Variants in TEC observed in about 807,000 individuals in gnomAD.
TEC encodes tec protein tyrosine kinase.
TEC carries 72 observed loss-of-function variants against 93.0 expected under a neutral mutation model. The ratio of observed to expected loss-of-function variants is 0.77; its 90% CI spans 0.64 to 0.94. TEC has a LOEUF of 0.94. Among genes scored for constraint, TEC ranks in the 40% least tolerant of loss-of-function variants. The pLI is 0.00. For synonymous variants in TEC, 249 were observed against 247.7 expected (o/e 1.01, Z -0.05); for missense variants, 630 against 757.9 (o/e 0.83, Z 1.98).
chr4:48,209,891 C>T (rs1722839631), intron 2 of TEC, among the ~76,000 whole-genome samples: 1 of 152,158 alleles, frequency 6.6e-6, no homozygotes. Flanking sequence ...AGCTGTTTTA[C>T]AGTGGAAATG....
At chr4:48,210,308 C>T (rs2109610076) in intron 2 of TEC, among the ~76,000 whole-genome samples, 1 of 152,142 alleles carries the variant, frequency 6.6e-6, no homozygotes, top group African/African-American at 2.4e-5. Context: ...CATAGCAAGA[C>T]TCCATCTCTA....
At chr4:48,206,956 C>A (rs1199959533) in intron 2 of TEC, among the ~76,000 whole-genome samples, 1 of 151,940 alleles carries the variant, frequency 6.6e-6, no homozygotes, top group African/African-American at 2.4e-5. Context: ...GGAACTAAGT[C>A]TCAAAAACAA....
Position 48,213,969 on chromosome 4 carries a change from A to C in TEC, c.138+14508T>G, listed in dbSNP as rs536335559. Among the ~76,000 whole-genome samples the C allele has an allele frequency of 1.2e-3, 188 of 152,296 alleles. 1 individual carries two copies. The highest frequency in any genetic ancestry group is 4.3e-3 in the African/African-American group (177 of 41,568). ...CTATGCCCAGCTGTTTCTAAATTTA[A>C]ATAATGCACCACTTCAAAAAATAAA... is the stretch of plus-strand genomic sequence containing the variant. On this transcript the variant is annotated intron_variant, in intron 2 of 17. Coordinates refer to ENST00000381501, the MANE Select transcript of TEC (RefSeq NM_003215.3).
intron 2 of TEC, among the ~76,000 whole-genome samples, chr4:48,214,715 G>GT (rs1196068943): frequency 7.5e-6 from 1 of 133,438 alleles, no homozygotes; most frequent in East Asian, 2.0e-4. Context: ...ATAGCCAGGC[G>GT]TGGTGGTATG....
chr4:48,220,122 G>T, intron 2 of TEC, among the ~76,000 whole-genome samples: 1 of 146,122 alleles, frequency 6.8e-6, no homozygotes, highest in African/African-American at 2.6e-5. Flanking sequence ...CTAGAGATGG[G>T]GAGATGGGGA....
At position 48,176,108 on chromosome 4, in the gene TEC, G is replaced by C. The variant is rs1487535249; in HGVS notation, c.217C>G (p.Pro73Ala). ...EIVKNDDGVI[P>A]CQNKYPFQVV... ...TGAAATGGATACTTATTTTGACAGGGAATGACACCATCATCATTCTTCACT... is the reference window on the plus strand; with the variant it reads ...TGAAATGGATACTTATTTTGACAGGCAATGACACCATCATCATTCTTCACT... The change falls in exon 3 of 18, where the codon CCC (proline) becomes GCC (alanine). Residue 73 changes from proline (P) to alanine (A), a missense_variant. Coordinates refer to ENST00000381501, the MANE Select transcript of TEC (RefSeq NM_003215.3). The C allele has an allele frequency of 6.2e-7, 1 of 1,613,720 alleles. No individual in the cohort carries two copies. The highest frequency in any genetic ancestry group is 2.2e-5 in the East Asian group (1 of 44,864).
At chr4:48,241,563 T>C (rs1723923673) in intron 1 of TEC, among the ~76,000 whole-genome samples, 3 of 152,154 alleles carry the variant, frequency 2.0e-5, no homozygotes, top group Admixed American at 2.0e-4. Flanking sequence ...TTCCAGCCCT[T>C]TGTGGTTCAA....
At chr4:48,195,539 G>A (rs142824113) in intron 2 of TEC, among the ~76,000 whole-genome samples, 9 of 152,294 alleles carry the variant, frequency 5.9e-5, no homozygotes, top group African/African-American at 2.2e-4. Flanking sequence ...CGTACAGGTC[G>A]TGTGTGCACA....
At chr4:48,162,778 C>T (rs3792621) in intron 8 of TEC, among the ~76,000 whole-genome samples, 56,708 of 151,946 alleles carry the variant, frequency 0.37, 11,605 homozygotes, top group East Asian at 0.9. Flanking sequence ...CTATTGTTTT[C>T]AAGGAAGTGA....
chr4:48,170,732 AC>A (rs1721067254), intron 4 of TEC, among the ~76,000 whole-genome samples: 1 of 152,176 alleles, frequency 6.6e-6, no homozygotes, highest in South Asian at 2.1e-4. Context: ...CCAAATATTG[AC>A]TACATGGGCA....
intron 2 of TEC, among the ~76,000 whole-genome samples, chr4:48,228,189 A>G (rs2664019): frequency 0.44 from 66,559 of 152,028 alleles, 16,352 homozygotes; most frequent in African/African-American, 0.67. Context: ...ATACATAATA[A>G]GCGGTTTACA....
intron 11 of TEC, among the ~76,000 whole-genome samples, chr4:48,148,071 C>T (rs1719992300): frequency 6.6e-6 from 1 of 151,946 alleles, no homozygotes; most frequent in Non-Finnish European, 1.5e-5. Flanking sequence ...TTAATAGTTG[C>T]CTGGGGCTGG....
intron 1 of TEC, among the ~76,000 whole-genome samples, chr4:48,238,688 A>C (rs1280017106): frequency 1.3e-5 from 2 of 149,226 alleles, no homozygotes; most frequent in Non-Finnish European, 3.0e-5. Context: ...ATTTATATAT[A>C]TGTATATAAA....
chr4:48,231,584 G>A lies in TEC; in HGVS notation c.-45-2925C>T, dbSNP rs187086471. On this transcript the variant is annotated intron_variant, in intron 1 of 17. Coordinates refer to ENST00000381501, the MANE Select transcript of TEC (RefSeq NM_003215.3). Reference sequence around the variant, plus strand: ...ATCCTGGCTAACACGGTGAAACCCCGTCTCTACTAAAAAATACAAAAAATT... The same window carrying A: ...ATCCTGGCTAACACGGTGAAACCCCATCTCTACTAAAAAATACAAAAAATT... Among the ~76,000 whole-genome samples the A allele has an allele frequency of 6.1e-3, 930 of 151,986 alleles. 14 individuals are homozygous for A. The highest frequency in any genetic ancestry group is 0.022 in the African/African-American group (891 of 41,430).
intron 1 of TEC, among the ~76,000 whole-genome samples, chr4:48,241,386 C>T (rs575865831): frequency 6.6e-6 from 1 of 152,216 alleles, no homozygotes; most frequent in South Asian, 2.1e-4. Flanking sequence ...TTTTGGACGT[C>T]TAGCTCTTTG....
chr4:48,186,543 C>T (rs1389317382), intron 2 of TEC, among the ~76,000 whole-genome samples: 2 of 150,594 alleles, frequency 1.3e-5, no homozygotes, highest in Non-Finnish European at 3.0e-5. Flanking sequence ...TCTGCCGGAC[C>T]GCCACCCTGT....
intron 2 of TEC, among the ~76,000 whole-genome samples, chr4:48,196,631 GA>G (rs576986666): frequency 7.5e-4 from 114 of 152,264 alleles, no homozygotes; most frequent in African/African-American, 2.6e-3. Context: ...CTACCTTCTA[GA>G]CTCCAAGAAA....
intron 3 of TEC, among the ~76,000 whole-genome samples, chr4:48,172,925 G>A (rs2109550705): frequency 6.6e-6 from 1 of 152,272 alleles, no homozygotes; most frequent in East Asian, 1.9e-4. Context: ...GAGATGTCTG[G>A]AAAAGACTGC....
chr4:48,155,910 T>C lies in TEC; in HGVS notation c.792+770A>G, dbSNP rs187728451. On this transcript the variant is annotated intron_variant, in intron 9 of 17. Transcript: ENST00000381501. ...TGTGTTTTTGTGTGTTTTGAACTAT[T>C]TAAAACTTACAGCAATTGAGTAAAG... 9 of 152,328 alleles carry C rather than the reference T, an allele frequency of 5.9e-5. No homozygotes were observed. The East Asian group carries it at 1.7e-3, about 29-fold the overall frequency. 9.4% of individuals were successfully genotyped at this position (152,328 alleles called of 1,614,324 possible).
Sources: allele counts gnomAD v4.1 joint callset (sites outside exome capture counted in the v4.1 genomes callset), GRCh38; gene constraint gnomAD v4.1.1; transcripts MANE v1.5; gene names NCBI Gene and HGNC (gene_info 2026-07-23, HGNC 2026-07-21).